Variants in SSBP3 observed in about 807,000 individuals in gnomAD.
SSBP3 encodes single-stranded DNA-binding protein 3.
Under a neutral mutation model 69.6 loss-of-function variants are expected in SSBP3, and 5 were observed. The observed-to-expected ratio is 0.07, with a 90% CI of 0.04 to 0.15. The LOEUF (loss-of-function observed/expected upper bound fraction) is 0.15. Ranked by LOEUF, SSBP3 falls within the 10% of genes least tolerant of loss-of-function variation. SSBP3 has a pLI of 1.00. For synonymous variants in SSBP3, 196 were observed against 193.4 expected (o/e 1.01, Z -0.11); for missense variants, 312 against 534.0 (o/e 0.58, Z 4.10).
At chr1:54,369,772 C>G (rs765338595) in intron 4 of SSBP3, among the ~76,000 whole-genome samples, 33 of 152,044 alleles carry the variant, frequency 2.2e-4, no homozygotes, top group Middle Eastern at 3.4e-3. Flanking sequence ...ATCAGATACT[C>G]AGACTCACCA....
intron 4 of SSBP3, among the ~76,000 whole-genome samples, chr1:54,363,844 T>C (rs1646987480): frequency 6.6e-6 from 1 of 152,208 alleles, no homozygotes; most frequent in Admixed American, 6.5e-5. Context: ...CTTACAACTC[T>C]TCAGGAACAG....
Position 54,258,182 on chromosome 1 carries a change from A to G in SSBP3, c.367-33T>C, listed in dbSNP as rs1644956062. 1.3e-6 allele frequency: 2 copies of G among 1,518,936 alleles called. No individual in the cohort carries two copies. Among genetic ancestry groups the G allele is most frequent in the East Asian group, 4.8e-5 (2 of 41,494 alleles). The allele number at this position is 1,518,936 out of a possible 1,614,324, so 94.1% of individuals were successfully genotyped here. On this transcript the variant is annotated intron_variant, in intron 5 of 17. Transcript: ENST00000610401. The surrounding 1 kb of genome is among the most constrained non-coding windows in gnomAD (Gnocchi z 4.5). ...GCCAGACAGTAGAGGCAGGTTATAG[A>G]TCACAGCACATGGAGAAGCGCAGAA...
At chr1:54,311,990 G>C (rs765249602) in intron 4 of SSBP3, among the ~76,000 whole-genome samples, 1 of 152,102 alleles carries the variant, frequency 6.6e-6, no homozygotes, top group East Asian at 1.9e-4. Flanking sequence ...AGCATCCACC[G>C]GCTGATTTGC....
chr1:54,291,075 G>A (rs894599182), intron 4 of SSBP3, among the ~76,000 whole-genome samples: 2 of 152,154 alleles, frequency 1.3e-5, no homozygotes, highest in African/African-American at 2.4e-5. Context: ...GTGGACCCGC[G>A]CACACGCTCA....
intron 4 of SSBP3, among the ~76,000 whole-genome samples, chr1:54,291,152 G>A (rs1645599113): frequency 1.1e-5 from 1 of 92,636 alleles, no homozygotes; most frequent in Admixed American, 9.8e-5. Flanking sequence ...CCCGCTTCTA[G>A]AAACTTTTTT....
intron 4 of SSBP3, among the ~76,000 whole-genome samples, chr1:54,288,861 C>G (rs995629057): frequency 1.3e-5 from 2 of 151,370 alleles, no homozygotes; most frequent in Non-Finnish European, 2.9e-5. Flanking sequence ...ACTAAAAATA[C>G]CAAAAAAAAT....
intron 4 of SSBP3, among the ~76,000 whole-genome samples, chr1:54,332,816 G>C (rs535586371): frequency 1.3e-5 from 2 of 152,206 alleles, no homozygotes; most frequent in African/African-American, 4.8e-5. Context: ...GGCGTCAAGC[G>C]CATCAGAGAG....
At chr1:54,262,110 G>T (rs1048237715) in intron 5 of SSBP3, among the ~76,000 whole-genome samples, 1 of 152,180 alleles carries the variant, frequency 6.6e-6, no homozygotes, top group Non-Finnish European at 1.5e-5. Flanking sequence ...TCGAATCCTG[G>T]CTCTGCCCCT....
chr1:54,290,494 T>C (rs929798579), intron 4 of SSBP3, among the ~76,000 whole-genome samples: 1 of 152,220 alleles, frequency 6.6e-6, no homozygotes, highest in Admixed American at 6.5e-5. Flanking sequence ...CTTGGTCTTC[T>C]GAGAAGGGGC....
intron 4 of SSBP3, among the ~76,000 whole-genome samples, chr1:54,354,460 G>A (rs941408314): frequency 1.3e-5 from 2 of 152,196 alleles, no homozygotes; most frequent in Non-Finnish European, 2.9e-5. Context: ...GTGAAGTGGG[G>A]AGGTGGCCCT....
At chr1:54,303,150 C>A (rs758202428) in intron 4 of SSBP3, among the ~76,000 whole-genome samples, 1 of 152,186 alleles carries the variant, frequency 6.6e-6, no homozygotes, top group Non-Finnish European at 1.5e-5. Flanking sequence ...GGTGAGCTCA[C>A]GGGAGCCATG....
rs71066917 is a variant in SSBP3 at position 54,411,891 on chromosome 1, C to CAAA, written c.-275+1462_-275+1464dup. On this transcript the variant is annotated intron_variant, in intron 1 of 8. Coordinates refer to the SSBP3 transcript ENST00000525990. Reference sequence around the variant, plus strand: ...TGGGGGACAGAGCGAGACTCCGTCTCAAAAAAAAAAAAAAAAAAGCAGAAG... The same window carrying CAAA: ...TGGGGGACAGAGCGAGACTCCGTCTCAAAAAAAAAAAAAAAAAAAAAGCAGAAG... Among the ~76,000 whole-genome samples the CAAA allele has an allele frequency of 2.4e-3, 214 of 87,898 alleles. 1 individual carries two copies. Among genetic ancestry groups the CAAA allele is most frequent in the East Asian group, 0.01 (31 of 3,086 alleles). 57.7% of individuals were successfully genotyped at this position (87,898 alleles called of 152,430 possible).
intron 14 of SSBP3, chr1:54,238,284 C>A (rs962377864): frequency 1.3e-5 from 6 of 471,000 alleles, no homozygotes; most frequent in African/African-American, 1.0e-4. Context: ...GGCCCTACCC[C>A]CTCAACCAGG....
chr1:54,374,457 C>T (rs963769211), intron 4 of SSBP3, among the ~76,000 whole-genome samples: 2 of 152,246 alleles, frequency 1.3e-5, no homozygotes, highest in African/African-American at 4.8e-5. Context: ...TCCTTCCCAT[C>T]TAAAAGTTCT....
chr1:54,232,055 C>T (rs1303929057), intron 14 of SSBP3, among the ~76,000 whole-genome samples: 2 of 152,110 alleles, frequency 1.3e-5, no homozygotes, highest in Admixed American at 6.5e-5. Flanking sequence ...CTCATTTGTC[C>T]ACATGTGGAT....
chr1:54,404,804 A>G, intron 2 of SSBP3, 54 bp downstream of exon 2: 2 of 645,816 alleles, frequency 3.1e-6, no homozygotes, highest in South Asian at 3.0e-5. Context: ...GGCTCTAAGA[A>G]TAGTGGGGGG....
exon 15 of SSBP3, chr1:54,228,778 T>C: frequency 3.1e-6 from 5 of 1,609,886 alleles, no homozygotes; most frequent in Non-Finnish European, 4.2e-6. Context: ...TGTGGCTCCA[T>C]GCCACCCATG....
intron 3 of SSBP3, 136 bp downstream of exon 3, chr1:54,404,440 C>T: frequency 9.9e-7 from 1 of 1,014,706 alleles, no homozygotes; most frequent in Non-Finnish European, 1.5e-6. Context: ...GGCCGGAGTG[C>T]CTCGAGGTGC....
At chr1:54,238,396 G>A (rs914822681) in intron 14 of SSBP3, 2 of 459,846 alleles carry the variant, frequency 4.3e-6, no homozygotes, top group Non-Finnish European at 9.1e-6. Flanking sequence ...GGCTGAACAG[G>A]TTCACCTGAG....
Sources: gnomAD v4.1 joint callset for allele counts (sites outside exome capture counted in the v4.1 genomes callset) on GRCh38, gnomAD v4.1.1 for gene constraint, Gnocchi (gnomAD v3.1) non-coding constraint, MANE v1.5 for transcripts, NCBI Gene and HGNC (gene_info 2026-07-23, HGNC 2026-07-21) for gene names.